The following PLCB1 variants were observed in gnomAD, a reference collection of about 807,000 sequenced individuals.
PLCB1 encodes the protein phospholipase C beta 1.
A neutral mutation model predicts 161.8 loss-of-function variants in PLCB1; 46 were observed. That is an observed-to-expected ratio of 0.28 (90% CI 0.22 to 0.36). The LOEUF (loss-of-function observed/expected upper bound fraction) is 0.36, where lower values mean the gene tolerates loss of function less well. PLCB1 is among the 10% of genes least tolerant of loss of function. The pLI is 1.00. For synonymous variants in PLCB1, 517 were observed against 503.7 expected, an observed-to-expected ratio of 1.03 and a Z score of -0.35; for missense variants, 1,016 against 1,472.5, an observed-to-expected ratio of 0.69 and a Z score of 5.07.
chr20:8,788,244 G>A (rs556724529), intron 27 of PLCB1, among the ~76,000 whole-genome samples: 33 of 152,116 alleles, frequency 2.2e-4, no homozygotes, highest in Non-Finnish European at 4.0e-4. Context: ...ATAATAAGAA[G>A]AATTTCATAT....
chr20:8,669,318 G>A (rs1168564890), intron 9 of PLCB1, among the ~76,000 whole-genome samples: 3 of 152,140 alleles, frequency 2.0e-5, no homozygotes, highest in African/African-American at 7.2e-5. Context: ...AAATTGCCAT[G>A]GTACATTTTT....
chr20:8,210,644 AT>A (rs138082966), intron 2 of PLCB1, among the ~76,000 whole-genome samples: 1 of 151,932 alleles, frequency 6.6e-6, no homozygotes, highest in Non-Finnish European at 1.5e-5. Context: ...TGCTCATGTA[AT>A]TTTTTTTAAG....
intron 31 of PLCB1, among the ~76,000 whole-genome samples, chr20:8,808,096 G>A (rs59824381): frequency 0.067 from 10,161 of 152,194 alleles, 971 homozygotes; most frequent in African/African-American, 0.21. Context: ...CCTGAGATGC[G>A]AGTATCATGT....
chr20:8,549,099 G>A (rs928282898), intron 3 of PLCB1, among the ~76,000 whole-genome samples: 1 of 152,122 alleles, frequency 6.6e-6, no homozygotes, highest in Non-Finnish European at 1.5e-5. Context: ...AACCACCATG[G>A]CACATGTATA....
At chr20:8,754,778 A>G (rs1568586085) in intron 23 of PLCB1, among the ~76,000 whole-genome samples, 1 of 152,160 alleles carries the variant, frequency 6.6e-6, no homozygotes, top group African/African-American at 2.4e-5. Context: ...GAAGTAAGAA[A>G]CCCATTGTTT....
chr20:8,466,030 T>G (rs1981806248), intron 3 of PLCB1, among the ~76,000 whole-genome samples: 1 of 143,442 alleles, frequency 7.0e-6, no homozygotes, highest in Admixed American at 7.1e-5. Context: ...CACACGTATG[T>G]TTATTGCGGC....
chr20:8,370,349 T>C (rs1285220135), intron 2 of PLCB1, among the ~76,000 whole-genome samples: 1 of 152,246 alleles, frequency 6.6e-6, no homozygotes, highest in Non-Finnish European at 1.5e-5. Context: ...TCTTGTCACA[T>C]GTTCTGTGGC....
At position 8,646,119 on chromosome 20, in the gene PLCB1, T is replaced by C; in HGVS notation, c.402T>C (p.Val134=). 6.2e-7 allele frequency: 1 copy of C among 1,612,592 alleles called. No individual in the cohort carries two copies. Among genetic ancestry groups the C allele is most frequent in the Non-Finnish European group, 8.5e-7 (1 of 1,178,582 alleles). The change falls in exon 5 of 32, where the codon GTT becomes GTC. Residue 134 remains valine, a synonymous_variant. Coordinates refer to ENST00000338037, the MANE Select transcript of PLCB1 (RefSeq NM_015192.4). ...TTTTTCAGGAATGGACAAATGAGGT[T>C]TTCAGTTTGGCAACAAACCTGCTGG... ...EEVAKEWTNE[V]FSLATNLLAQ... is the part of the protein sequence containing the mutation.
At chr20:8,352,325 G>A (rs1986206614) in intron 2 of PLCB1, among the ~76,000 whole-genome samples, 1 of 152,086 alleles carries the variant, frequency 6.6e-6, no homozygotes. Context: ...ACTAGGGGCT[G>A]TAGAGGAGAT....
At chr20:8,755,842 A>G (rs1039345056) in intron 23 of PLCB1, among the ~76,000 whole-genome samples, 2 of 152,242 alleles carry the variant, frequency 1.3e-5, no homozygotes, top group Non-Finnish European at 2.9e-5. Context: ...GGAGGGTTAC[A>G]TAATTGTTTT....
At chr20:8,667,477 T>A (rs1989842017) in intron 9 of PLCB1, among the ~76,000 whole-genome samples, 1 of 152,182 alleles carries the variant, frequency 6.6e-6, no homozygotes, top group African/African-American at 2.4e-5. Context: ...TCCCTTTGCT[T>A]TCCTTTCCGT....
intron 23 of PLCB1, among the ~76,000 whole-genome samples, chr20:8,742,509 A>G (rs1980935643): frequency 1.3e-5 from 2 of 152,194 alleles, no homozygotes; most frequent in African/African-American, 4.8e-5. Flanking sequence ...AAATGACAAA[A>G]GAAAACAACA....
At chr20:8,308,753 A>G (rs1261289547) in intron 2 of PLCB1, among the ~76,000 whole-genome samples, 1 of 151,944 alleles carries the variant, frequency 6.6e-6, no homozygotes, top group Non-Finnish European at 1.5e-5. Flanking sequence ...GGACCCAGGT[A>G]GCGTCCATAG....
chr20:8,856,941 TCTC>T (rs1315377615), intron 31 of PLCB1, among the ~76,000 whole-genome samples: 2 of 152,222 alleles, frequency 1.3e-5, no homozygotes, highest in African/African-American at 4.8e-5. Flanking sequence ...GCTGGGAAGT[TCTC>T]CTGGTCTTAG....
At chr20:8,814,577 ATGTGTGTGTGTGTGTGTG>A (rs10670728) in intron 31 of PLCB1, among the ~76,000 whole-genome samples, 1 of 145,200 alleles carries the variant, frequency 6.9e-6, no homozygotes, top group African/African-American at 2.5e-5. Flanking sequence ...ATGTACTTGC[ATGTGTGTGTGTGTGTGTG>A]TGTGTGTGTG....
intron 3 of PLCB1, among the ~76,000 whole-genome samples, chr20:8,481,756 C>A (rs1194391981): frequency 6.6e-6 from 1 of 152,156 alleles, no homozygotes; most frequent in African/African-American, 2.4e-5. Context: ...TGCTGACCAT[C>A]ATGGAGTAAG....
At chr20:8,197,619 C>T (rs2052039687) in intron 2 of PLCB1, among the ~76,000 whole-genome samples, 1 of 152,124 alleles carries the variant, frequency 6.6e-6, no homozygotes, top group South Asian at 2.1e-4. Context: ...TGCCTGTTCA[C>T]TCTGATAGTA....
intron 3 of PLCB1, among the ~76,000 whole-genome samples, chr20:8,483,655 A>G (rs1982600274): frequency 6.6e-6 from 1 of 152,176 alleles, no homozygotes; most frequent in South Asian, 2.1e-4. Context: ...ATTTGATTTG[A>G]GTTAAGGTTA....
chr20:8,140,173 G>T (rs2051388191), intron 1 of PLCB1, among the ~76,000 whole-genome samples: 1 of 152,242 alleles, frequency 6.6e-6, no homozygotes, highest in Middle Eastern at 3.4e-3. Context: ...TCTGAATGTG[G>T]TAGATACAAT....
Sources: allele counts gnomAD v4.1 joint callset (sites outside exome capture counted in the v4.1 genomes callset), GRCh38; gene constraint gnomAD v4.1.1; transcripts MANE v1.5; gene names NCBI Gene and HGNC (gene_info 2026-07-23, HGNC 2026-07-21).